RASSF4: variants seen among roughly 807,000 people sequenced by gnomAD.
The protein encoded by RASSF4 is ras association domain-containing protein 4.
Under a neutral mutation model 41.1 loss-of-function variants are expected in RASSF4, and 38 were observed. The ratio of observed to expected loss-of-function variants is 0.92; its 90% CI spans 0.71 to 1.21. The LOEUF (loss-of-function observed/expected upper bound fraction) is 1.21. Among genes scored for constraint, RASSF4 ranks in the 50% most tolerant of loss-of-function variants. The pLI, the probability that RASSF4 is intolerant of heterozygous loss-of-function variation, is 0.00. For synonymous variants in RASSF4, 179 were observed against 163.4 expected, an observed-to-expected ratio of 1.10 and a Z score of -0.73; for missense variants, 414 against 419.4, an observed-to-expected ratio of 0.99 and a Z score of 0.11.
chr10:44,971,843 C>T lies in RASSF4; in HGVS notation c.133C>T (p.Arg45Cys), dbSNP rs773274560. The T allele has an allele frequency of 5.6e-6, 9 of 1,609,150 alleles. No individual in the cohort carries two copies. Among genetic ancestry groups the T allele is most frequent in the African/African-American group, 2.7e-5 (2 of 74,912 alleles). The change falls in exon 3 of 11, where the codon CGT becomes TGT. Residue 45 changes from arginine (R) to cysteine (C), a missense_variant. Physicochemically the swap from Arg to Cys is radical, Grantham distance 180. Coordinates refer to ENST00000340258, the MANE Select transcript of RASSF4 (RefSeq NM_032023.4). ...GGGCAAGAGCTTCCAGCTGAGACAC[C>T]GTGAGGTGAGCCTGTTGCTCTTGTT... ...HEGKSFQLRH[R>C]EEEGTLIIEG... is the part of the protein sequence containing the mutation.
intron 8 of RASSF4, chr10:44,990,648 T>A (rs1453675439): frequency 4.5e-6 from 1 of 221,274 alleles, no homozygotes; most frequent in Non-Finnish European, 9.0e-6. Flanking sequence ...GGGCACACCT[T>A]GACAAATTTA....
chr10:44,961,783 G>A (rs1588777817), intron 1 of RASSF4, among the ~76,000 whole-genome samples: 1 of 152,350 alleles, frequency 6.6e-6, no homozygotes, highest in South Asian at 2.1e-4. Context: ...AACAGAGCCA[G>A]GCAGTCACAG....
At chr10:44,972,198 C>T (rs986898944) in intron 3 of RASSF4, among the ~76,000 whole-genome samples, 2 of 152,132 alleles carry the variant, frequency 1.3e-5, no homozygotes, top group Non-Finnish European at 2.9e-5. Flanking sequence ...CACCATTCAG[C>T]GGACAAGAGG....
At chr10:44,989,399 TG>T (rs1349709070) in intron 7 of RASSF4, 24 bp downstream of exon 7, 1 of 1,492,196 alleles carries the variant, frequency 6.7e-7, no homozygotes, top group African/African-American at 1.4e-5. Flanking sequence ...GGAGCAGCCT[TG>T]CCCCAGGATG....
intron 1 of RASSF4, among the ~76,000 whole-genome samples, chr10:44,964,806 A>T (rs1840840500): frequency 6.6e-6 from 1 of 152,212 alleles, no homozygotes; most frequent in South Asian, 2.1e-4. Flanking sequence ...CTGCTGCCAC[A>T]GCTGTCTTTC....
At chr10:44,975,840 T>G (rs557710518) in intron 3 of RASSF4, among the ~76,000 whole-genome samples, 6 of 151,804 alleles carry the variant, frequency 4.0e-5, no homozygotes, top group African/African-American at 1.4e-4. Flanking sequence ...CTGCCAGACC[T>G]CCCCAGATGC....
At chr10:44,984,496 C>T (rs1272513221) in intron 5 of RASSF4, 1 of 500,752 alleles carries the variant, frequency 2.0e-6, no homozygotes, top group Non-Finnish European at 3.6e-6. Context: ...TCCTTTAGCC[C>T]TCAGTGAAGG....
At chr10:44,982,439 G>A (rs1841747929) in intron 3 of RASSF4, 82 bp from the exon 4 acceptor site, 4 of 1,551,126 alleles carry the variant, frequency 2.6e-6, no homozygotes, top group Non-Finnish European at 1.8e-6. Context: ...AGGCCTGAGT[G>A]TTCAGAGCAT....
chr10:44,971,509 G>A (rs1391981176), intron 2 of RASSF4: 1 of 640,648 alleles, frequency 1.6e-6, no homozygotes. Flanking sequence ...TCGGCACCCT[G>A]GACATCCTGG....
At chr10:44,964,820 C>T (rs1348307747) in intron 1 of RASSF4, among the ~76,000 whole-genome samples, 3 of 152,188 alleles carry the variant, frequency 2.0e-5, no homozygotes, top group Non-Finnish European at 4.4e-5. Flanking sequence ...GTCTTTCAGA[C>T]ACCCCTTAGG....
rs1842210551 is a variant in RASSF4 at position 44,993,907 on chromosome 10, A to G, written c.*578A>G. The G allele has an allele frequency of 6.6e-6, 1 of 152,654 alleles. No individual in the cohort carries two copies. Among genetic ancestry groups the G allele is most frequent in the South Asian group, 2.1e-4 (1 of 4,840 alleles). 9.5% of individuals were successfully genotyped at this position (152,654 alleles called of 1,614,324 possible). Reference sequence around the variant, plus strand: ...CCCCAACACAGAGGTGAGACCAGGAATAAGGCCACAAGTATCTCACTTTCT... The same window carrying G: ...CCCCAACACAGAGGTGAGACCAGGAGTAAGGCCACAAGTATCTCACTTTCT... On this transcript the variant is annotated 3_prime_UTR_variant, in exon 11 of 11. Coordinates refer to ENST00000340258, the MANE Select transcript of RASSF4 (RefSeq NM_032023.4).
chr10:44,962,347 G>A (rs185156397), intron 1 of RASSF4, among the ~76,000 whole-genome samples: 7 of 152,378 alleles, frequency 4.6e-5, no homozygotes, highest in Admixed American at 3.3e-4. Flanking sequence ...GCAGTGATAT[G>A]CAAATTGTGT....
In RASSF4 at chr10:44,984,898, C is replaced by T. The variant is rs557481929; in HGVS notation, c.459C>T (p.Cys153=). 5.2e-5 allele frequency: 84 copies of T among 1,613,580 alleles called. No individual in the cohort carries two copies. The South Asian group carries it at 9.0e-4, about 17-fold the overall frequency. The change falls in exon 6 of 11, where the codon TGC becomes TGT. Residue 153 remains cysteine (C), a synonymous_variant. Transcript: ENST00000340258. The part of the protein sequence containing the change: ...ASCMSQRRPK[C]RAPGEAQRIR... Reference sequence around the variant, plus strand: ...GCATGAGCCAGAGGAGGCCCAAGTGCCGCGCCCCCGGTGAGGCCCAGCGCA... The same window carrying T: ...GCATGAGCCAGAGGAGGCCCAAGTGTCGCGCCCCCGGTGAGGCCCAGCGCA...
At chr10:44,966,331 C>T (rs1006934840) in intron 1 of RASSF4, among the ~76,000 whole-genome samples, 107 of 152,128 alleles carry the variant, frequency 7.0e-4, no homozygotes, top group Non-Finnish European at 1.8e-4. Context: ...TATAGGAGAC[C>T]GGAAGTAAAT....
At chr10:44,977,826 G>T in intron 3 of RASSF4, 1 of 1,605,520 alleles carries the variant, frequency 6.2e-7, no homozygotes, top group South Asian at 1.1e-5. Context: ...GCCTGGGCTG[G>T]CCTGTGGGGT....
chr10:44,978,805 A>G (rs929707077), intron 3 of RASSF4: 1 of 152,270 alleles, frequency 6.6e-6, no homozygotes, highest in Non-Finnish European at 1.5e-5. Flanking sequence ...TTCCCTGAGC[A>G]GTGTGAAGAA....
At chr10:44,977,815 G>A in intron 3 of RASSF4, 1 of 1,602,884 alleles carries the variant, frequency 6.2e-7, no homozygotes, top group South Asian at 1.1e-5. Flanking sequence ...CCTTCCGGCA[G>A]GCCTGGGCTG....
At chr10:44,978,161 G>A in intron 3 of RASSF4, 1 of 1,077,420 alleles carries the variant, frequency 9.3e-7, no homozygotes, top group Non-Finnish European at 1.3e-6. Context: ...GGTGCCCTGA[G>A]AGCAATTTGA....
intron 10 of RASSF4, 49 bp from the exon 11 acceptor site, chr10:44,993,220 C>G: frequency 1.9e-6 from 3 of 1,565,738 alleles, no homozygotes; most frequent in Non-Finnish European, 1.8e-6. Flanking sequence ...TGCCCACCTC[C>G]CTGCCCTGTC....
Sources: allele counts gnomAD v4.1 joint callset (sites outside exome capture counted in the v4.1 genomes callset), GRCh38; gene constraint gnomAD v4.1.1; transcripts MANE v1.5; gene names NCBI Gene and HGNC (gene_info 2026-07-23, HGNC 2026-07-21).